CD48: variants seen among roughly 807,000 people sequenced by gnomAD.
The protein encoded by CD48 is CD48 molecule.
Under a neutral mutation model 22.0 loss-of-function variants are expected in CD48, and 20 were observed. The ratio of observed to expected loss-of-function variants is 0.91; its 90% confidence interval spans 0.64 to 1.32. The LOEUF (loss-of-function observed/expected upper bound fraction) is 1.32. CD48 is among the 40% of genes most tolerant of loss of function. CD48 has a pLI of 0.00. For missense variants in CD48, 307 were observed against 286.5 expected, an observed-to-expected ratio of 1.07 and a Z score of -0.52; for synonymous variants, 110 against 110.1, an observed-to-expected ratio of 1.00 and a Z score of 0.01.
Position 160,711,811 on chromosome 1 carries a change from G to A in CD48, c.-48C>T, listed in dbSNP as rs1364695245. ...CAACGCAGGAGACAGTTGAGAGCCT[G>A]GCTAGAAAAAGGCCGGGGCTAAAAA... On this transcript the variant is annotated 5_prime_UTR_variant, in exon 1 of 4. Transcript: ENST00000368046. The A allele has an allele frequency of 2.1e-6, 3 of 1,441,874 alleles. No individual in the cohort carries two copies. The highest frequency in any genetic ancestry group is 2.9e-6 in the Non-Finnish European group (3 of 1,025,180). The allele number at this position is 1,441,874 out of a possible 1,614,324, so 89.3% of individuals were successfully genotyped here. A position where few individuals can be genotyped will look rare whatever the true frequency, so the allele number is the denominator to read the frequency against.
At position 160,711,124 on chromosome 1, in the gene CD48, T is replaced by G. The variant is rs115304047; in HGVS notation, c.82+558A>C. On this transcript the variant is annotated intron_variant, in intron 1 of 3. Transcript: ENST00000368046. ...TCTTAGCAATCAGATGTGTTAAGGT[T>G]CCTTTGATGCTGAAGCACTTCCAGC... Among the ~76,000 whole-genome samples the G allele has an allele frequency of 5.7e-3, 871 of 152,252 alleles. 9 individuals are homozygous for G. The highest frequency in any genetic ancestry group is 0.02 in the African/African-American group (832 of 41,540).
intron 3 of CD48, chr1:160,680,938 G>A (rs1278545715): frequency 1.0e-5 from 15 of 1,431,978 alleles, no homozygotes; most frequent in Non-Finnish European, 1.3e-5. Context: ...CTTTGTTAGA[G>A]CGGGAGAGGG....
chr1:160,691,278 C>T (rs1440846444), intron 1 of CD48, among the ~76,000 whole-genome samples: 2 of 152,154 alleles, frequency 1.3e-5, no homozygotes, highest in Non-Finnish European at 2.9e-5. Flanking sequence ...AGGAAGGCAT[C>T]TGTTTCCCGC....
intron 1 of CD48, chr1:160,691,759 T>TA (rs1446046353): frequency 8.3e-6 from 3 of 363,182 alleles, no homozygotes; most frequent in East Asian, 7.6e-5. Flanking sequence ...CTTCATCTGG[T>TA]GCCCAACGTG....
At chr1:160,711,549 G>A (rs1662947133) in intron 1 of CD48, 133 bp downstream of exon 1, 1 of 668,488 alleles carries the variant, frequency 1.5e-6, no homozygotes, top group Non-Finnish European at 2.7e-6. Context: ...CCATGGCCAT[G>A]CTATTGGAAT....
intron 1 of CD48, among the ~76,000 whole-genome samples, chr1:160,686,269 A>C (rs1337969423): frequency 6.6e-6 from 1 of 151,920 alleles, no homozygotes; most frequent in Middle Eastern, 3.2e-3. Flanking sequence ...ACTGATAGAC[A>C]GGAGGGCAGG....
chr1:160,707,660 T>C (rs1379459434), intron 1 of CD48, among the ~76,000 whole-genome samples: 1 of 152,152 alleles, frequency 6.6e-6, no homozygotes, highest in Non-Finnish European at 1.5e-5. Context: ...GGCAGAGGAC[T>C]GAGGTAAGGG....
At chr1:160,688,185 A>G (rs1242481879) in intron 1 of CD48, among the ~76,000 whole-genome samples, 4 of 152,216 alleles carry the variant, frequency 2.6e-5, no homozygotes, top group African/African-American at 9.6e-5. Flanking sequence ...TAACAAAATG[A>G]GCCGTTTGAA....
At chr1:160,707,854 A>G (rs918809729) in intron 1 of CD48, among the ~76,000 whole-genome samples, 7 of 152,154 alleles carry the variant, frequency 4.6e-5, no homozygotes, top group Non-Finnish European at 1.0e-4. Context: ...ATACATGCGT[A>G]CATGAACTTC....
At chr1:160,710,769 G>C (rs1018659956) in intron 1 of CD48, among the ~76,000 whole-genome samples, 1 of 152,114 alleles carries the variant, frequency 6.6e-6, no homozygotes, top group African/African-American at 2.4e-5. Flanking sequence ...GTGAGAGACC[G>C]ATCCTCCACA....
chr1:160,707,892 T>C (rs1227888855), intron 1 of CD48, among the ~76,000 whole-genome samples: 1 of 152,192 alleles, frequency 6.6e-6, no homozygotes, highest in East Asian at 1.9e-4. Flanking sequence ...CGAATAACTA[T>C]GCAGTAAGCA....
chr1:160,680,947 G>A (rs981571215), intron 3 of CD48: 11 of 1,435,124 alleles, frequency 7.7e-6, no homozygotes, highest in African/African-American at 1.4e-5. Context: ...AGCGGGAGAG[G>A]GAAGAGGAGT....
intron 1 of CD48, chr1:160,686,497 A>T (rs1430771058): frequency 2.0e-5 from 3 of 152,204 alleles, no homozygotes; most frequent in Non-Finnish European, 4.4e-5. Flanking sequence ...AATATTTGTT[A>T]AGAACTATCT....
At chr1:160,701,395 AT>A (rs757144057) in intron 1 of CD48, among the ~76,000 whole-genome samples, 11 of 151,916 alleles carry the variant, frequency 7.2e-5, no homozygotes, top group Non-Finnish European at 1.2e-4. Context: ...AAACCAATTG[AT>A]TTAAAGCCTC....
At chr1:160,706,977 T>G (rs1341037885) in intron 1 of CD48, among the ~76,000 whole-genome samples, 1 of 152,212 alleles carries the variant, frequency 6.6e-6, no homozygotes, top group Non-Finnish European at 1.5e-5. Flanking sequence ...ACACATGGTT[T>G]CTAGTAAAAC....
At chr1:160,697,877 T>G (rs1191244695) in intron 1 of CD48, among the ~76,000 whole-genome samples, 1 of 152,162 alleles carries the variant, frequency 6.6e-6, no homozygotes, top group East Asian at 1.9e-4. Context: ...TGATAGCGAC[T>G]TAACAGAAAG....
At chr1:160,702,470 G>A (rs1458038008) in intron 1 of CD48, among the ~76,000 whole-genome samples, 1 of 152,060 alleles carries the variant, frequency 6.6e-6, no homozygotes, top group Non-Finnish European at 1.5e-5. Flanking sequence ...CCCAGGCCCC[G>A]CTCCCTGTTT....
At chr1:160,685,461 T>C (rs1661965012) in intron 1 of CD48, among the ~76,000 whole-genome samples, 1 of 152,102 alleles carries the variant, frequency 6.6e-6, no homozygotes, top group Non-Finnish European at 1.5e-5. Context: ...CCAACTGAGG[T>C]TGGGCCTGGC....
At chr1:160,680,421 G>T (rs113592802) in intron 3 of CD48, 1 of 232,410 alleles carries the variant, frequency 4.3e-6, no homozygotes. Flanking sequence ...CTTAGCACGA[G>T]ATAGGAACTG....
Sources: gnomAD v4.1 joint callset for allele counts (sites outside exome capture counted in the v4.1 genomes callset) on GRCh38, gnomAD v4.1.1 for gene constraint, MANE v1.5 for transcripts, NCBI Gene and HGNC (gene_info 2026-07-23, HGNC 2026-07-21) for gene names.